NAT10: variants seen among roughly 807,000 people sequenced by gnomAD.
NAT10 encodes RNA cytidine acetyltransferase.
In NAT10, 109 loss-of-function variants were observed where a neutral mutation model predicts 132.2. The ratio of observed to expected loss-of-function variants is 0.82; its 90% CI spans 0.71 to 0.97. The LOEUF (loss-of-function observed/expected upper bound fraction) is 0.97, where lower values mean the gene tolerates loss of function less well. NAT10 is among the 50% of genes least tolerant of loss of function. NAT10 has a pLI of 0.00. For missense variants in NAT10, 1,184 were observed against 1,263.4 expected (o/e 0.94, Z 0.95); for synonymous variants, 479 against 478.0 (o/e 1.00, Z -0.03).
At chr11:34,140,713 T>A in intron 24 of NAT10, 141 bp downstream of exon 24, 1 of 1,019,548 alleles carries the variant, frequency 9.8e-7, no homozygotes, top group East Asian at 2.6e-5. Flanking sequence ...GCATCCTCAT[T>A]CTACAGGTCA....
chr11:34,110,559 C>CTTTTTTTTTTTTTTTT (rs948109196), intron 3 of NAT10, among the ~76,000 whole-genome samples: 1 of 101,742 alleles, frequency 9.8e-6, no homozygotes, highest in Non-Finnish European at 1.9e-5. Flanking sequence ...TTTTCTTTCC[C>CTTTTTTTTTTTTTTTT]TTTTTTTTTT....
At chr11:34,108,178 G>A in intron 1 of NAT10, 33 bp from the exon 2 acceptor site, 1 of 1,444,086 alleles carries the variant, frequency 6.9e-7, no homozygotes, top group Non-Finnish European at 9.7e-7. Context: ...ACAATCTAGT[G>A]CGCATGGCCA....
intron 28 of NAT10, 148 bp downstream of exon 28, chr11:34,143,676 T>A: frequency 1.5e-6 from 1 of 660,566 alleles, no homozygotes; most frequent in East Asian, 2.9e-5. Context: ...CCCTGGCCAT[T>A]ACCCTTGCAG....
chr11:34,123,842 C>A lies in NAT10; in HGVS notation c.995C>A (p.Ala332Asp). ...LFEFVFKGFDALQYQEHLDYE... is the reference protein window; with the variant it reads ...LFEFVFKGFDDLQYQEHLDYE... ...GAATTTGTATTTAAAGGATTTGATG[C>A]TCTGCAATATCAGGTAGGAAATTTG... The change falls in exon 10 of 29, where the codon GCT becomes GAT. Residue 332 changes from alanine (A) to aspartate (D), a missense_variant. Coordinates refer to ENST00000257829, the MANE Select transcript of NAT10 (RefSeq NM_024662.3). 1 of 1,607,622 alleles carries A rather than the reference C, an allele frequency of 6.2e-7. No homozygotes were observed. Among genetic ancestry groups the A allele is most frequent in the Non-Finnish European group, 8.5e-7 (1 of 1,174,102 alleles).
intron 19 of NAT10, among the ~76,000 whole-genome samples, chr11:34,136,425 T>C (rs1349848210): frequency 2.6e-5 from 4 of 152,236 alleles, no homozygotes; most frequent in African/African-American, 9.6e-5. Context: ...TCCTGCATTC[T>C]AGAGGTCTGA....
At chr11:34,125,236 C>T (rs568505445) in intron 11 of NAT10, among the ~76,000 whole-genome samples, 65 of 152,244 alleles carry the variant, frequency 4.3e-4, no homozygotes, top group African/African-American at 1.3e-3. Flanking sequence ...CACTTTTGCT[C>T]GATTCCCCCA....
chr11:34,145,559 C>T (rs1484602744), intron 28 of NAT10, among the ~76,000 whole-genome samples: 1 of 152,162 alleles, frequency 6.6e-6, no homozygotes, highest in Non-Finnish European at 1.5e-5. Flanking sequence ...CGCAGGGTGT[C>T]ACCTGAGTTA....
At position 34,146,239 on chromosome 11, in the gene NAT10, C is replaced by T. The variant is rs775118907; in HGVS notation, c.*47C>T. The T allele has an allele frequency of 7.3e-7, 1 of 1,370,056 alleles. No homozygotes were observed. Among genetic ancestry groups the T allele is most frequent in the Non-Finnish European group, 1.0e-6 (1 of 991,118 alleles). The allele number at this position is 1,370,056 out of a possible 1,614,324, so 84.9% of individuals were successfully genotyped here. ...GTGTTTGATCATGGGAAGATACTCTCACTAACTGAACCCTCTCTGGCTGGA... is the reference window on the plus strand; with the variant it reads ...GTGTTTGATCATGGGAAGATACTCTTACTAACTGAACCCTCTCTGGCTGGA... On this transcript the variant is annotated 3_prime_UTR_variant, in exon 29 of 29. Coordinates refer to ENST00000257829, the MANE Select transcript of NAT10 (RefSeq NM_024662.3).
intron 12 of NAT10, among the ~76,000 whole-genome samples, chr11:34,127,814 G>GC (rs1046431203): frequency 6.6e-6 from 1 of 152,212 alleles, no homozygotes; most frequent in Non-Finnish European, 1.5e-5. Context: ...AATGGGCAGT[G>GC]TAAGACTGAA....
At position 34,141,168 on chromosome 11, in the gene NAT10, T is replaced by C; in HGVS notation, c.2672T>C (p.Leu891Ser). ...EKEIELPSGQLMGLFNRIIRK... is the reference protein window; with the variant it reads ...EKEIELPSGQSMGLFNRIIRK... ...GAGATTGAGCTGCCCTCGGGCCAGT[T>C]GATGGGACTTTTCAACCGGATCATC... Residue 891 changes from leucine (L) to serine (S), a missense_variant, in exon 25 of 29, where the codon TTG (leucine) becomes TCG (serine). By Grantham distance (145) the Leu-to-Ser change is moderately radical. Coordinates refer to ENST00000257829, the MANE Select transcript of NAT10 (RefSeq NM_024662.3). 1 of 1,614,060 alleles carries C rather than the reference T, an allele frequency of 6.2e-7. No individual in the cohort carries two copies.
At position 34,132,181 on chromosome 11, in the gene NAT10, T is replaced by A. The variant is rs774433383; in HGVS notation, c.1577T>A (p.Leu526His). The change falls in exon 15 of 29, where the codon CTC becomes CAC. Residue 526 changes from leucine to histidine, a missense_variant. Coordinates refer to ENST00000257829, the MANE Select transcript of NAT10 (RefSeq NM_024662.3). ...FCYHKASEVF[L>H]QRLMALYVAS... ...TACCACAAGGCCTCTGAAGTTTTCC[T>A]CCAACGGCTTATGGCCCTCTACGTG... 6.2e-7 allele frequency: 1 copy of A among 1,614,210 alleles called. No homozygotes were observed. Among genetic ancestry groups the A allele is most frequent in the Non-Finnish European group, 8.5e-7 (1 of 1,180,014 alleles).
intron 11 of NAT10, among the ~76,000 whole-genome samples, chr11:34,125,163 T>C (rs1230947611): frequency 2.0e-5 from 3 of 152,342 alleles, no homozygotes; most frequent in Non-Finnish European, 4.4e-5. Context: ...TGTTTATGCC[T>C]TTCACCTTAA....
rs546460543 is a variant in NAT10, at chr11:34,136,501, G to A, written c.2029-141G>A. 7.7e-4 allele frequency: 718 copies of A among 930,922 alleles called. 1 individual carries two copies. Among genetic ancestry groups the A allele is most frequent in the Non-Finnish European group, 1.1e-3 (660 of 613,010 alleles). The allele number at this position is 930,922 out of a possible 1,614,324, so 57.7% of individuals were successfully genotyped here. A position where few individuals can be genotyped will look rare whatever the true frequency, so the allele number is the denominator to read the frequency against. ...ATTGCTTGACTCCGGTGTTCTCATA[G>A]TTTGAAAACCACAGCAATAAACCAA... On this transcript the variant is annotated intron_variant, in intron 19 of 28. Coordinates refer to ENST00000257829, the MANE Select transcript of NAT10 (RefSeq NM_024662.3).
At chr11:34,130,680 C>T in intron 12 of NAT10, 133 bp from the exon 13 acceptor site, 1 of 1,192,044 alleles carries the variant, frequency 8.4e-7, no homozygotes, top group Non-Finnish European at 1.2e-6. Flanking sequence ...GCTGGAAGTT[C>T]AGAGATGAGC....
At chr11:34,122,712 G>A in intron 9 of NAT10, 120 bp downstream of exon 9, 1 of 1,332,628 alleles carries the variant, frequency 7.5e-7, no homozygotes, top group Non-Finnish European at 1.0e-6. Context: ...TGGGTTCAGT[G>A]TGTGATTTCT....
intron 1 of NAT10, among the ~76,000 whole-genome samples, chr11:34,106,649 T>C (rs1034905798): frequency 2.6e-5 from 4 of 152,188 alleles, no homozygotes; most frequent in Admixed American, 6.5e-5. Flanking sequence ...GTTGGGAAGA[T>C]TGGCGAACTG....
chr11:34,115,008 T>G (rs995492162), intron 5 of NAT10, among the ~76,000 whole-genome samples: 1 of 151,938 alleles, frequency 6.6e-6, no homozygotes, highest in African/African-American at 2.4e-5. Context: ...CAAAAAAAAT[T>G]AACCAGGTGT....
intron 28 of NAT10, among the ~76,000 whole-genome samples, chr11:34,144,013 T>A (rs1852389076): frequency 6.6e-6 from 1 of 152,258 alleles, no homozygotes; most frequent in Non-Finnish European, 1.5e-5. Flanking sequence ...TAGGTTTAAC[T>A]GTTACGTTGT....
Position 34,120,770 on chromosome 11 carries a change from C to T in NAT10, c.781-1689C>T, listed in dbSNP as rs139722794. Among the ~76,000 whole-genome samples the T allele has an allele frequency of 9.2e-5, 14 of 152,224 alleles. 1 individual carries two copies. The highest frequency in any genetic ancestry group is 5.9e-4 in the Admixed American group (9 of 15,300). On this transcript the variant is annotated intron_variant, in intron 8 of 28. Coordinates refer to ENST00000257829, the MANE Select transcript of NAT10 (RefSeq NM_024662.3). ...CCATATGGTGAAGCAGAAGATGCTA[C>T]GTACAATGGGAAGAAAGAAAAAGTT... is the stretch of plus-strand genomic sequence containing the variant.
Sources: allele counts gnomAD v4.1 joint callset (sites outside exome capture counted in the v4.1 genomes callset), GRCh38; gene constraint gnomAD v4.1.1; transcripts MANE v1.5; gene names NCBI Gene and HGNC (gene_info 2026-07-23, HGNC 2026-07-21).